PPP1R42: variants seen among roughly 807,000 people sequenced by gnomAD.
The protein encoded by PPP1R42 is leucine rich repeat containing 67.
PPP1R42 carries 34 observed loss-of-function variants against 31.0 expected under a neutral mutation model. The observed-to-expected ratio is 1.10, with a 90% CI of 0.83 to 1.46. PPP1R42 has a LOEUF of 1.46. Ranked by LOEUF, PPP1R42 falls within the 40% of genes most tolerant of loss-of-function variation. PPP1R42 has a pLI of 0.00. For synonymous variants in PPP1R42, 103 were observed against 109.8 expected, an observed-to-expected ratio of 0.94 and a Z score of 0.39; for missense variants, 268 against 303.0, an observed-to-expected ratio of 0.88 and a Z score of 0.86.
At chr8:66,986,482 C>T (rs572964658) in intron 6 of PPP1R42, among the ~76,000 whole-genome samples, 1 of 152,266 alleles carries the variant, frequency 6.6e-6, no homozygotes, top group Non-Finnish European at 1.5e-5. Flanking sequence ...TTGTCCCTAT[C>T]GCCACGGCAG....
chr8:67,028,202 C>G (rs1195543229), intron 1 of PPP1R42, among the ~76,000 whole-genome samples: 3 of 152,160 alleles, frequency 2.0e-5, no homozygotes, highest in Non-Finnish European at 4.4e-5. Context: ...CAAAACCCTT[C>G]CCTTTCAAAC....
At chr8:67,025,531 C>T (rs548141552) in intron 1 of PPP1R42, among the ~76,000 whole-genome samples, 2 of 149,780 alleles carry the variant, frequency 1.3e-5, no homozygotes, top group South Asian at 4.2e-4. Flanking sequence ...AATCTTACCT[C>T]TTCCATCTTA....
chr8:67,006,296 CTTAT>C (rs942187335), intron 5 of PPP1R42, among the ~76,000 whole-genome samples: 1 of 152,030 alleles, frequency 6.6e-6, no homozygotes, highest in Non-Finnish European at 1.5e-5. Context: ...TTTCTGTTAT[CTTAT>C]TTAATTCCTT....
chr8:67,000,268 A>G (rs1175595188), intron 5 of PPP1R42, among the ~76,000 whole-genome samples: 1 of 151,542 alleles, frequency 6.6e-6, no homozygotes. Context: ...TTTTTCCCTC[A>G]TTCTTGTTGT....
At chr8:66,971,057 G>C in intron 7 of PPP1R42, 1 of 1,533,320 alleles carries the variant, frequency 6.5e-7, no homozygotes, top group East Asian at 2.4e-5. Flanking sequence ...GGGTATCTCT[G>C]TATTTCAGAG....
At chr8:67,002,892 G>A (rs1392311899) in intron 5 of PPP1R42, among the ~76,000 whole-genome samples, 4 of 150,944 alleles carry the variant, frequency 2.6e-5, no homozygotes, top group Admixed American at 1.3e-4. Flanking sequence ...GGTGGCCCAC[G>A]CCTGTAATCC....
intron 2 of PPP1R42, among the ~76,000 whole-genome samples, chr8:67,016,316 A>G (rs1339498285): frequency 6.6e-6 from 1 of 152,232 alleles, no homozygotes; most frequent in African/African-American, 2.4e-5. Context: ...GATGTGAAAC[A>G]ATAGACATGA....
intron 1 of PPP1R42, 144 bp from the exon 2 acceptor site, chr8:67,017,975 T>C: frequency 2.7e-6 from 1 of 369,558 alleles, no homozygotes. Context: ...TGAGGTATTT[T>C]CTAAGTTTAT....
chr8:66,993,789 T>C (rs770630651), intron 5 of PPP1R42, among the ~76,000 whole-genome samples: 2 of 152,214 alleles, frequency 1.3e-5, no homozygotes, highest in Non-Finnish European at 2.9e-5. Flanking sequence ...TCCCCCATTG[T>C]CTAGCAAGTA....
intron 5 of PPP1R42, among the ~76,000 whole-genome samples, chr8:67,005,173 ACTT>A (rs989677262): frequency 1.3e-5 from 2 of 148,776 alleles, no homozygotes; most frequent in African/African-American, 5.0e-5. Context: ...CTGTGGTTCA[ACTT>A]CTTCACAAAT....
At chr8:66,996,176 G>A (rs554254845) in intron 5 of PPP1R42, among the ~76,000 whole-genome samples, 56 of 152,104 alleles carry the variant, frequency 3.7e-4, no homozygotes, top group Non-Finnish European at 5.9e-4. Flanking sequence ...AAAGCCTCCC[G>A]AATGGCTGGG....
At chr8:67,007,544 G>A (rs1288890636) in intron 5 of PPP1R42, among the ~76,000 whole-genome samples, 1 of 151,998 alleles carries the variant, frequency 6.6e-6, no homozygotes, top group Non-Finnish European at 1.5e-5. Context: ...ATAAGGTTTC[G>A]CCACGTCAGC....
intron 1 of PPP1R42, among the ~76,000 whole-genome samples, chr8:67,019,128 G>A (rs186956308): frequency 1.1e-3 from 172 of 150,522 alleles, no homozygotes; most frequent in African/African-American, 4.1e-3. Context: ...GAGCCACTGC[G>A]CCCGAGCCAT....
chr8:66,981,711 G>A (rs1563416349), intron 7 of PPP1R42, among the ~76,000 whole-genome samples: 1 of 152,110 alleles, frequency 6.6e-6, no homozygotes. Context: ...AAATATACTA[G>A]TGGCTTAGGT....
intron 1 of PPP1R42, among the ~76,000 whole-genome samples, chr8:67,019,914 C>CA (rs1176801819): frequency 1.3e-5 from 2 of 150,950 alleles, no homozygotes; most frequent in African/African-American, 2.4e-5. Context: ...AAAAAACAAA[C>CA]AAACAAAAAA....
intron 7 of PPP1R42, among the ~76,000 whole-genome samples, chr8:66,968,022 A>G (rs1216935047): frequency 6.6e-6 from 1 of 152,180 alleles, no homozygotes; most frequent in Middle Eastern, 3.2e-3. Flanking sequence ...AGAAGTATTT[A>G]CTGTGACAAA....
chr8:67,006,118 G>A (rs1341790063), intron 5 of PPP1R42, among the ~76,000 whole-genome samples: 6 of 152,142 alleles, frequency 3.9e-5, no homozygotes, highest in African/African-American at 1.2e-4. Flanking sequence ...GGACACTCAA[G>A]CTTTCTTTGG....
chr8:66,978,583 A>G (rs1169596018), intron 7 of PPP1R42, among the ~76,000 whole-genome samples: 1 of 152,054 alleles, frequency 6.6e-6, no homozygotes, highest in Non-Finnish European at 1.5e-5. Context: ...ACCCCTGGCT[A>G]ACTTTTGTAT....
chr8:66,987,483 G>A (rs1055652120), intron 6 of PPP1R42, among the ~76,000 whole-genome samples: 3 of 151,744 alleles, frequency 2.0e-5, no homozygotes, highest in Admixed American at 6.6e-5. Flanking sequence ...GTAAAGATGG[G>A]GTTTCACCGT....
Sources: gnomAD v4.1 joint callset for allele counts (sites outside exome capture counted in the v4.1 genomes callset) on GRCh38, gnomAD v4.1.1 for gene constraint, MANE v1.5 for transcripts, NCBI Gene and HGNC (gene_info 2026-07-23, HGNC 2026-07-21) for gene names.